Variants in RBM27 observed in about 807,000 individuals in gnomAD.
RBM27 encodes the protein RNA binding motif protein 27.
In RBM27, 22 loss-of-function variants were observed where a neutral mutation model predicts 135.3. That is an observed-to-expected ratio of 0.16 (90% CI 0.12 to 0.23). The LOEUF is 0.23. RBM27 is among the 10% of genes least tolerant of loss of function. RBM27 has a pLI of 1.00. For synonymous variants in RBM27, 481 were observed against 442.4 expected (o/e 1.09, Z -1.10); for missense variants, 1,009 against 1,281.0 (o/e 0.79, Z 3.24).
chr5:146,254,199 A>G (rs1475114016), intron 9 of RBM27, among the ~76,000 whole-genome samples: 1 of 152,198 alleles, frequency 6.6e-6, no homozygotes, highest in Non-Finnish European at 1.5e-5. Context: ...TCACACCTGT[A>G]ATGCCAACAG....
chr5:146,253,195 G>C (rs565711028), intron 9 of RBM27, among the ~76,000 whole-genome samples: 1 of 151,756 alleles, frequency 6.6e-6, no homozygotes. Flanking sequence ...ACGGGGTTTT[G>C]CCATGTTGGT....
Position 146,284,674 on chromosome 5 carries a change from A to G in RBM27, c.3041A>G (p.His1014Arg). 1.9e-6 allele frequency: 3 copies of G among 1,613,706 alleles called. No individual in the cohort carries two copies. The highest frequency in any genetic ancestry group is 2.5e-6 in the Non-Finnish European group (3 of 1,179,692). The stretch of plus-strand genomic sequence containing the variant: ...GACCGTCGGCTACAGATATCATGGC[A>G]CAAGCCCAAGGTACCATCTATATCC... ...FKDRRLQISW[H>R]KPKVPSISTE... The change falls in exon 20 of 21, where the codon CAC becomes CGC. Residue 1014 changes from histidine (H) to arginine (R), a missense_variant. His to Arg is a conservative substitution (Grantham distance 29). Around this residue, in one of 6 missense-constraint regions of RBM27, gnomAD observed 355 missense variants for 427.3 expected, o/e 0.83. Coordinates refer to ENST00000265271, the MANE Select transcript of RBM27 (RefSeq NM_018989.2).
At position 146,217,464 on chromosome 5, in the gene RBM27, G is replaced by GTTT. The variant is rs545963169; in HGVS notation, c.60-1496_60-1494dup. 2.1e-3 allele frequency among the ~76,000 whole-genome samples: 149 copies of GTTT among 70,768 alleles called. 27 individuals are homozygous for GTTT. Among genetic ancestry groups the GTTT allele is most frequent in the African/African-American group, 6.2e-3 (102 of 16,494 alleles). The allele number at this position is 70,768 out of a possible 152,430, so 46.4% of individuals were successfully genotyped here. On this transcript the variant is annotated intron_variant, in intron 1 of 20. Coordinates refer to ENST00000265271, the MANE Select transcript of RBM27 (RefSeq NM_018989.2). The stretch of plus-strand genomic sequence containing the variant: ...GATTGATACTCTTGAGCTGAAGCCT[G>GTTT]TTTTTTTTTTTTTTTTTTTTTTTTT...
intron 1 of RBM27, among the ~76,000 whole-genome samples, chr5:146,210,675 C>T (rs1218089880): frequency 6.6e-6 from 1 of 152,120 alleles, no homozygotes; most frequent in Non-Finnish European, 1.5e-5. Context: ...TAGCCGGGCA[C>T]GGTGGCTCAT....
intron 8 of RBM27, chr5:146,245,137 G>T (rs1757567049): frequency 6.6e-6 from 1 of 152,078 alleles, no homozygotes; most frequent in African/African-American, 2.4e-5. Context: ...AGAATGCTGG[G>T]ATTACAGACC....
At chr5:146,209,648 A>T (rs766878471) in intron 1 of RBM27, among the ~76,000 whole-genome samples, 6 of 152,178 alleles carry the variant, frequency 3.9e-5, no homozygotes, top group Non-Finnish European at 5.9e-5. Flanking sequence ...AAAAATAATT[A>T]TCTAGCAATT....
intron 2 of RBM27, among the ~76,000 whole-genome samples, chr5:146,222,696 A>T (rs1359490147): frequency 6.6e-6 from 1 of 152,180 alleles, no homozygotes; most frequent in Non-Finnish European, 1.5e-5. Context: ...AAACAAACAA[A>T]CAAAAAAAAG....
intron 1 of RBM27, among the ~76,000 whole-genome samples, chr5:146,206,662 C>T (rs1270942478): frequency 6.6e-6 from 1 of 151,914 alleles, no homozygotes; most frequent in Non-Finnish European, 1.5e-5. Context: ...GTCACTGAAA[C>T]CTCTGCCTCC....
intron 14 of RBM27, among the ~76,000 whole-genome samples, chr5:146,267,035 G>A (rs1157270350): frequency 1.3e-5 from 2 of 152,112 alleles, no homozygotes; most frequent in Non-Finnish European, 2.9e-5. Flanking sequence ...CTTCACTTAC[G>A]AAAAACAACT....
intron 7 of RBM27, 144 bp from the exon 8 acceptor site, chr5:146,237,154 G>T: frequency 1.2e-6 from 1 of 837,304 alleles, no homozygotes; most frequent in South Asian, 1.7e-5. Context: ...GGTCAGGCTG[G>T]TCTCGAACTC....
At chr5:146,278,333 T>C (rs1759180013) in intron 19 of RBM27, among the ~76,000 whole-genome samples, 1 of 152,198 alleles carries the variant, frequency 6.6e-6, no homozygotes, top group African/African-American at 2.4e-5. Flanking sequence ...CATATATATG[T>C]ATTTTATTTG....
chr5:146,236,525 A>G (rs1456790742), intron 7 of RBM27, among the ~76,000 whole-genome samples: 1 of 151,832 alleles, frequency 6.6e-6, no homozygotes, highest in Non-Finnish European at 1.5e-5. Flanking sequence ...TGATTATACA[A>G]CTCCCAGTGC....
chr5:146,212,978 T>G (rs1756031418), intron 1 of RBM27, among the ~76,000 whole-genome samples: 1 of 152,232 alleles, frequency 6.6e-6, no homozygotes, highest in Non-Finnish European at 1.5e-5. Flanking sequence ...ATGCTGTTTT[T>G]ATTTAATAAA....
intron 1 of RBM27, among the ~76,000 whole-genome samples, chr5:146,211,246 C>T (rs954785734): frequency 1.3e-5 from 2 of 152,068 alleles, no homozygotes; most frequent in Non-Finnish European, 2.9e-5. Flanking sequence ...AGCCACTGTA[C>T]TCCAGCCTGG....
intron 7 of RBM27, among the ~76,000 whole-genome samples, chr5:146,235,980 G>A (rs569645838): frequency 2.6e-5 from 4 of 152,204 alleles, no homozygotes; most frequent in East Asian, 1.9e-4. Context: ...GTGAGCCACC[G>A]TGCCCAGCCC....
intron 1 of RBM27, among the ~76,000 whole-genome samples, chr5:146,212,841 A>C (rs1756024916): frequency 6.6e-6 from 1 of 150,914 alleles, no homozygotes; most frequent in Admixed American, 6.6e-5. Flanking sequence ...AGCCTCCTGA[A>C]TACCTGGGAT....
intron 7 of RBM27, among the ~76,000 whole-genome samples, chr5:146,235,647 T>G (rs549371973): frequency 6.6e-6 from 1 of 150,424 alleles, no homozygotes; most frequent in Non-Finnish European, 1.5e-5. Context: ...CATGTTGTTG[T>G]TTTTTTTTAA....
At chr5:146,228,209 G>A (rs969646534) in intron 3 of RBM27, among the ~76,000 whole-genome samples, 3 of 150,158 alleles carry the variant, frequency 2.0e-5, no homozygotes, top group African/African-American at 4.9e-5. Context: ...GTATTTACTC[G>A]TGCCCTCTCT....
At chr5:146,270,322 T>C (rs1203359611) in intron 17 of RBM27, among the ~76,000 whole-genome samples, 1 of 151,182 alleles carries the variant, frequency 6.6e-6, no homozygotes, top group East Asian at 1.9e-4. Flanking sequence ...AGAATGTAAA[T>C]TGTTATATGT....
Sources: gnomAD v4.1 joint callset for allele counts (sites outside exome capture counted in the v4.1 genomes callset) on GRCh38, gnomAD v4.1.1 for gene constraint, gnomAD v4.1.1 regional missense constraint, MANE v1.5 for transcripts, NCBI Gene and HGNC (gene_info 2026-07-23, HGNC 2026-07-21) for gene names.